Variants in PAIP2B observed in about 807,000 individuals in gnomAD.
The protein encoded by PAIP2B is polyadenylate-binding protein-interacting protein 2B.
Under a neutral mutation model 17.0 loss-of-function variants are expected in PAIP2B, and 13 were observed. The observed-to-expected ratio is 0.76, with a 90% CI of 0.50 to 1.22. PAIP2B has a LOEUF of 1.22. PAIP2B is among the 50% of genes most tolerant of loss of function. The pLI, the probability that PAIP2B is intolerant of heterozygous loss-of-function variation, is 0.00. For synonymous variants in PAIP2B, 43 were observed against 48.7 expected, an observed-to-expected ratio of 0.88 and a Z score of 0.48; for missense variants, 117 against 144.5, an observed-to-expected ratio of 0.81 and a Z score of 0.98.
intron 2 of PAIP2B, among the ~76,000 whole-genome samples, chr2:71,191,094 T>C (rs1472093754): frequency 2.0e-5 from 3 of 152,228 alleles, no homozygotes; most frequent in Admixed American, 6.5e-5. Flanking sequence ...GTGTCTTTGA[T>C]AGGCCTCTTG....
Position 71,193,489 on chromosome 2 carries a change from T to A in PAIP2B, c.139-3468A>T, listed in dbSNP as rs192879928. 4.7e-4 allele frequency among the ~76,000 whole-genome samples: 72 copies of A among 152,358 alleles called. 1 individual carries two copies. Among genetic ancestry groups the A allele is most frequent in the African/African-American group, 1.5e-3 (62 of 41,580 alleles). On this transcript the variant is annotated intron_variant, in intron 2 of 3. Transcript: ENST00000244221. ...TTTTGTTGCAATTGCTTTTGGTGTCTTCGCCATTAAATCTTTGACCATTCC... is the reference window on the plus strand; with the variant it reads ...TTTTGTTGCAATTGCTTTTGGTGTCATCGCCATTAAATCTTTGACCATTCC...
At position 71,198,498 on chromosome 2, in the gene PAIP2B, G is replaced by A. The variant is rs1674889029; in HGVS notation, c.138+3954C>T. Among the ~76,000 whole-genome samples, 3 of 131,396 alleles carry A rather than the reference G, an allele frequency of 2.3e-5. No homozygotes were observed. In the South Asian group the frequency reaches 6.7e-4, roughly 30 times the overall value. The allele number at this position is 131,396 out of a possible 152,430, so 86.2% of individuals were successfully genotyped here. A position where few individuals can be genotyped will look rare whatever the true frequency, so the allele number is the denominator to read the frequency against. On this transcript the variant is annotated intron_variant, in intron 2 of 3. Transcript: ENST00000244221. Reference sequence around the variant, plus strand: ...GACGGGGTTTCACCGTGTTAGCCAGGATGGTCTCGATCTCCTGACCTCGTG... The same window carrying A: ...GACGGGGTTTCACCGTGTTAGCCAGAATGGTCTCGATCTCCTGACCTCGTG...
At chr2:71,196,330 C>T (rs6755752) in intron 2 of PAIP2B, among the ~76,000 whole-genome samples, 19,362 of 151,930 alleles carry the variant, frequency 0.13, 1,345 homozygotes, top group African/African-American at 0.15. Flanking sequence ...GTTTTATTTT[C>T]ATTGTGTTGA....
At chr2:71,199,933 T>C (rs1039669385) in intron 2 of PAIP2B, among the ~76,000 whole-genome samples, 9 of 152,202 alleles carry the variant, frequency 5.9e-5, no homozygotes, top group Admixed American at 3.9e-4. Flanking sequence ...TGTTAGGTCT[T>C]ACTTCTTCTT....
At chr2:71,197,301 G>A (rs568992070) in intron 2 of PAIP2B, among the ~76,000 whole-genome samples, 1 of 152,234 alleles carries the variant, frequency 6.6e-6, no homozygotes, top group African/African-American at 2.4e-5. Context: ...ATAAATTCTT[G>A]GTTGAAGATT....
At position 71,185,947 on chromosome 2, in the gene PAIP2B, T is replaced by C. The variant is rs1674525372; in HGVS notation, c.*2532A>G. 6.6e-6 allele frequency: 1 copy of C among 152,278 alleles called. No individual in the cohort carries two copies. The highest frequency in any genetic ancestry group is 1.9e-4 in the East Asian group (1 of 5,204). The allele number at this position is 152,278 out of a possible 1,614,324, so 9.4% of individuals were successfully genotyped here. On this transcript the variant is annotated 3_prime_UTR_variant, in exon 4 of 4. Transcript: ENST00000244221. Reference sequence around the variant, plus strand: ...CATTGGGACCAGCCAGATTGGCAACTGTTAGAAATACATGTTCCATTTCTA... The same window carrying C: ...CATTGGGACCAGCCAGATTGGCAACCGTTAGAAATACATGTTCCATTTCTA...
Position 71,226,450 on chromosome 2 carries a change from G to A in PAIP2B, c.-12+478C>T, listed in dbSNP as rs536243097. On this transcript the variant is annotated intron_variant, in intron 1 of 3. Transcript: ENST00000244221. Reference sequence around the variant, plus strand: ...GGGGGAGATGGAGCAAGTATAAAAAGGCAGAGGACGCGCAGGGGCCGCGAA... The same window carrying A: ...GGGGGAGATGGAGCAAGTATAAAAAAGCAGAGGACGCGCAGGGGCCGCGAA... 5.9e-5 allele frequency among the ~76,000 whole-genome samples: 9 copies of A among 152,338 alleles called. No homozygotes were observed. The South Asian group carries it at 1.9e-3, about 32-fold the overall frequency.
At position 71,184,030 on chromosome 2, in the gene PAIP2B, A is replaced by G. The variant is rs1023233079; in HGVS notation, c.*4449T>C. The G allele has an allele frequency of 2.0e-5, 3 of 152,248 alleles. No individual in the cohort carries two copies. Among genetic ancestry groups the G allele is most frequent in the African/African-American group, 7.2e-5 (3 of 41,468 alleles). 9.4% of individuals were successfully genotyped at this position (152,248 alleles called of 1,614,324 possible). ...AATCAACAGGACAGAATAACTACTT[A>G]GTGATGATTTACAGAGTGAAATATT... On this transcript the variant is annotated 3_prime_UTR_variant, in exon 4 of 4. Coordinates refer to ENST00000244221, the MANE Select transcript of PAIP2B (RefSeq NM_020459.1).
At chr2:71,219,662 C>T (rs558761808) in intron 1 of PAIP2B, among the ~76,000 whole-genome samples, 5 of 152,068 alleles carry the variant, frequency 3.3e-5, no homozygotes, top group South Asian at 2.1e-4. Flanking sequence ...TTTCTTATCT[C>T]GTTCTCATAA....
rs1674436900 is a variant in PAIP2B, at chr2:71,182,908, A to ATTTT, written c.*5570_*5571insAAAA. ...GATTAATAACTACCAAGTAATGATTAGGGGAAAAAAAGCAAAAACAGCTTT... is the reference window on the plus strand; with the variant it reads ...GATTAATAACTACCAAGTAATGATTATTTTGGGGAAAAAAAGCAAAAACAGCTTT... On this transcript the variant is annotated 3_prime_UTR_variant, in exon 4 of 4. Transcript: ENST00000244221. 5.4e-5 allele frequency: 1 copy of ATTTT among 18,494 alleles called. No homozygotes were observed. The highest frequency in any genetic ancestry group is 8.9e-5 in the Non-Finnish European group (1 of 11,288). The allele number at this position is 18,494 out of a possible 1,614,324, so 1.1% of individuals were successfully genotyped here. A position where few individuals can be genotyped will look rare whatever the true frequency, so the allele number is the denominator to read the frequency against.
chr2:71,218,430 A>G (rs897663906), intron 1 of PAIP2B, among the ~76,000 whole-genome samples: 5 of 152,174 alleles, frequency 3.3e-5, no homozygotes, highest in Non-Finnish European at 1.5e-5. Context: ...AAGACTCAAA[A>G]GCACTAGAAA....
intron 2 of PAIP2B, among the ~76,000 whole-genome samples, chr2:71,194,796 G>T (rs1300453370): frequency 6.6e-6 from 1 of 152,124 alleles, no homozygotes; most frequent in Non-Finnish European, 1.5e-5. Flanking sequence ...GGGCATCCTT[G>T]TCTTGTACCG....
In PAIP2B at chr2:71,184,944, A is replaced by T. The variant is rs567600297; in HGVS notation, c.*3535T>A. 6.6e-5 allele frequency: 10 copies of T among 152,258 alleles called. No individual in the cohort carries two copies. The highest frequency in any genetic ancestry group is 5.9e-4 in the Admixed American group (9 of 15,298). 9.4% of individuals were successfully genotyped at this position (152,258 alleles called of 1,614,324 possible). On this transcript the variant is annotated 3_prime_UTR_variant, in exon 4 of 4. Transcript: ENST00000244221. ...AACTGAGAAAGATTATTAGCCCGTGATGGTGGGACCCTTATTGACGAAGGC... is the reference window on the plus strand; with the variant it reads ...AACTGAGAAAGATTATTAGCCCGTGTTGGTGGGACCCTTATTGACGAAGGC...
intron 2 of PAIP2B, 72 bp from the exon 3 acceptor site, chr2:71,190,093 C>T: frequency 7.1e-7 from 1 of 1,414,094 alleles, no homozygotes; most frequent in Non-Finnish European, 9.6e-7. Context: ...TTTCCTCCAC[C>T]TCTTTCCTTC....
chr2:71,195,499 C>T (rs771557168), intron 2 of PAIP2B, among the ~76,000 whole-genome samples: 13 of 152,110 alleles, frequency 8.5e-5, no homozygotes, highest in Admixed American at 3.3e-4. Context: ...TTTTCTAGTT[C>T]ATGTGTGTAG....
At chr2:71,198,599 T>C (rs1450127741) in intron 2 of PAIP2B, among the ~76,000 whole-genome samples, 6 of 151,956 alleles carry the variant, frequency 3.9e-5, no homozygotes, top group Non-Finnish European at 7.4e-5. Context: ...ATTTTTGTAT[T>C]TTTAGTAGAG....
At chr2:71,190,665 A>G (rs1011358486) in intron 2 of PAIP2B, among the ~76,000 whole-genome samples, 2 of 152,258 alleles carry the variant, frequency 1.3e-5, no homozygotes, top group Non-Finnish European at 2.9e-5. Flanking sequence ...AAATCATTTT[A>G]GAGCCTAAAA....
chr2:71,216,280 G>A (rs1265102204), intron 1 of PAIP2B, among the ~76,000 whole-genome samples: 1 of 152,120 alleles, frequency 6.6e-6, no homozygotes, highest in East Asian at 1.9e-4. Flanking sequence ...AGAGAAGAAG[G>A]ACATAAATAA....
intron 2 of PAIP2B, among the ~76,000 whole-genome samples, chr2:71,199,571 C>CT (rs58823186): frequency 0.023 from 3,347 of 145,676 alleles, 71 homozygotes; most frequent in African/African-American, 0.048. Flanking sequence ...CAACTGCGTC[C>CT]TTTTTTTTTT....
Sources: allele counts gnomAD v4.1 joint callset (sites outside exome capture counted in the v4.1 genomes callset), GRCh38; gene constraint gnomAD v4.1.1; transcripts MANE v1.5; gene names NCBI Gene and HGNC (gene_info 2026-07-23, HGNC 2026-07-21).